The following ZSCAN25 variants were observed in gnomAD, a reference collection of about 807,000 sequenced individuals.
ZSCAN25 encodes the protein zinc finger and SCAN domain-containing protein 25.
A neutral mutation model predicts 38.7 loss-of-function variants in ZSCAN25; 27 were observed. The observed-to-expected ratio is 0.70, with a 90% CI of 0.51 to 0.96. ZSCAN25 has a LOEUF of 0.96. ZSCAN25 is among the 40% of genes least tolerant of loss of function. ZSCAN25 has a pLI of 0.00. For missense variants in ZSCAN25, 637 were observed against 705.9 expected (o/e 0.90, Z 1.11); for synonymous variants, 273 against 277.7 (o/e 0.98, Z 0.17).
the ZSCAN25 span, among the ~76,000 whole-genome samples, chr7:99,685,513 C>T: frequency 6.6e-6 from 1 of 152,164 alleles, no homozygotes; most frequent in Non-Finnish European, 1.5e-5. Context: ...GGGCAGGTGC[C>T]CTTGCAGAAA....
At chr7:99,665,236 T>C in the ZSCAN25 span, 1 of 1,614,172 alleles carries the variant, frequency 6.2e-7, no homozygotes, top group African/African-American at 1.3e-5. Flanking sequence ...CAAAGGGGTC[T>C]TGTGGATTGT....
the ZSCAN25 span, chr7:99,659,404 G>A: frequency 2.3e-4 from 35 of 155,206 alleles, no homozygotes; most frequent in South Asian, 6.0e-3. Flanking sequence ...TTGGTGACCC[G>A]CAAATGCTGC....
the ZSCAN25 span, chr7:99,671,844 G>A: frequency 1.4e-6 from 1 of 702,938 alleles, no homozygotes; most frequent in Non-Finnish European, 2.6e-6. Flanking sequence ...GACGGAATGG[G>A]TCTGCATCTT....
At chr7:99,634,008 GGGTATTT>G (rs573120193), downstream of ZSCAN25, among the ~76,000 whole-genome samples, 45 of 152,326 alleles carry the variant, frequency 3.0e-4, no homozygotes, top group Non-Finnish European at 5.9e-4. Context: ...CAGGTCAAAC[GGGTATTT>G]GGTCAACTCA....
At chr7:99,662,986 A>C in the ZSCAN25 span, 5 of 1,540,860 alleles carry the variant, frequency 3.2e-6, no homozygotes, top group Middle Eastern at 1.7e-4. The surrounding 1 kb of genome is among the most constrained non-coding windows in gnomAD (Gnocchi z 4.3). Context: ...CCCTCCCTCA[A>C]CCTCCCTATG....
At chr7:99,716,722 T>C in the ZSCAN25 span, among the ~76,000 whole-genome samples, 1 of 152,120 alleles carries the variant, frequency 6.6e-6, no homozygotes, top group African/African-American at 2.4e-5. Context: ...ATGTTTAATA[T>C]TTAGTATTCT....
the ZSCAN25 span, chr7:99,671,830 T>G: frequency 1.4e-6 from 1 of 702,818 alleles, no homozygotes; most frequent in Non-Finnish European, 2.6e-6. Flanking sequence ...GGGAGCCACA[T>G]GGTGACGGAA....
chr7:99,666,101 C>T, the ZSCAN25 span, among the ~76,000 whole-genome samples: 2 of 152,266 alleles, frequency 1.3e-5, no homozygotes, highest in African/African-American at 4.8e-5. Context: ...TTCTAGCACC[C>T]TTTCTTTTTT....
chr7:99,682,212 C>T, the ZSCAN25 span, among the ~76,000 whole-genome samples: 1 of 152,290 alleles, frequency 6.6e-6, no homozygotes, highest in South Asian at 2.1e-4. Context: ...TCAAGTGATA[C>T]ACCCGCCTCG....
chr7:99,712,209 C>T, the ZSCAN25 span, among the ~76,000 whole-genome samples: 36 of 152,144 alleles, frequency 2.4e-4, no homozygotes, highest in Non-Finnish European at 4.9e-4. Context: ...CCATGTAACT[C>T]ACCACCAAAA....
chr7:99,638,201 T>C, the ZSCAN25 span: 1 of 1,454,560 alleles, frequency 6.9e-7, no homozygotes, highest in South Asian at 1.5e-5. Flanking sequence ...AATGGGTTTT[T>C]GATTTCTCTC....
the ZSCAN25 span, among the ~76,000 whole-genome samples, chr7:99,733,276 T>C: frequency 1.3e-4 from 20 of 152,200 alleles, no homozygotes; most frequent in Non-Finnish European, 2.5e-4. Flanking sequence ...ATTGAGTTAA[T>C]GTGTGAGCAG....
In ZSCAN25 at chr7:99,629,411, C is replaced by T; in HGVS notation, c.1026C>T (p.Ser342=). The T allele has an allele frequency of 6.2e-7, 1 of 1,614,246 alleles. No homozygotes were observed. The highest frequency in any genetic ancestry group is 8.5e-7 in the Non-Finnish European group (1 of 1,180,038). The change falls in exon 8 of 8, where the codon AGC becomes AGT. Residue 342 remains serine, a synonymous_variant. Transcript: ENST00000394152. The surrounding 1 kb of genome is among the most constrained non-coding windows in gnomAD (Gnocchi z 5.6). ...IPLPDEVKTH[S]SFWKPFQCPE... ...TGCCTGACGAAGTCAAAACCCACAG[C>T]TCCTTCTGGAAGCCTTTCCAGTGCC...
chr7:99,644,556 C>G, the ZSCAN25 span, among the ~76,000 whole-genome samples: 1 of 152,134 alleles, frequency 6.6e-6, no homozygotes, highest in Non-Finnish European at 1.5e-5. Context: ...TGTTGTGACC[C>G]TCTGAGTAAT....
the ZSCAN25 span, among the ~76,000 whole-genome samples, chr7:99,639,757 T>A: frequency 6.6e-6 from 1 of 152,170 alleles, no homozygotes; most frequent in Non-Finnish European, 1.5e-5. Context: ...AGATTTCTCC[T>A]GTGAATTCTA....
chr7:99,637,260 T>C (rs1028942613), downstream of ZSCAN25, among the ~76,000 whole-genome samples: 3 of 152,234 alleles, frequency 2.0e-5, no homozygotes, highest in Non-Finnish European at 4.4e-5. Context: ...TTTAAATTAC[T>C]GGTCTTAGGC....
chr7:99,730,894 G>C, the ZSCAN25 span: 1 of 863,534 alleles, frequency 1.2e-6, no homozygotes, highest in Non-Finnish European at 1.7e-6. Context: ...GAGTTAGCAA[G>C]AGAGCCCCAG....
the ZSCAN25 span, among the ~76,000 whole-genome samples, chr7:99,639,301 AGT>A: frequency 6.6e-6 from 1 of 152,220 alleles, no homozygotes; most frequent in Non-Finnish European, 1.5e-5. Context: ...TTTCCTGCAG[AGT>A]TTAAAGTCTC....
chr7:99,648,190 G>A, the ZSCAN25 span: 13 of 1,449,276 alleles, frequency 9.0e-6, no homozygotes, highest in African/African-American at 1.9e-4. Flanking sequence ...AACTACTCAT[G>A]CAGTACATTA....
Sources: allele counts gnomAD v4.1 joint callset (sites outside exome capture counted in the v4.1 genomes callset), GRCh38; gene constraint gnomAD v4.1.1; non-coding constraint Gnocchi (gnomAD v3.1); transcripts MANE v1.5; gene names NCBI Gene and HGNC (gene_info 2026-07-23, HGNC 2026-07-21).